Variants in ZNF391 observed in about 807,000 individuals in gnomAD.
The protein encoded by ZNF391 is zinc finger protein 391.
For missense variants in ZNF391, 375 were observed against 425.5 expected (o/e 0.88, Z 1.04); for synonymous variants, 126 against 142.1 (o/e 0.89, Z 0.80).
rs76281830 is a variant in ZNF391, at chr6:27,377,297, C to T, written n.523+2160C>T. ...CAGAGGAGACAATTAACCAGAACTC[C>T]GACCACAAGGCCAATTTGATGCAAC... On this transcript the variant is annotated intron_variant and non_coding_transcript_variant, in intron 1 of 2. Transcript: ENST00000477999. 4.1e-3 allele frequency among the ~76,000 whole-genome samples: 627 copies of T among 152,292 alleles called. 6 individuals are homozygous for T. The highest frequency in any genetic ancestry group is 0.014 in the African/African-American group (595 of 41,542).
Position 27,400,872 on chromosome 6 carries a change from A to T in ZNF391, c.502A>T (p.Asn168Tyr), listed in dbSNP as rs371544705. The T allele has an allele frequency of 6.2e-7, 1 of 1,614,118 alleles. No individual in the cohort carries two copies. Among genetic ancestry groups the T allele is most frequent in the African/African-American group, 1.3e-5 (1 of 74,948 alleles). Residue 168 changes from asparagine (N) to tyrosine (Y), a missense_variant, in exon 3 of 3, where the codon AAT (asparagine) becomes TAT (tyrosine). Coordinates refer to ENST00000244576, the MANE Select transcript of ZNF391 (RefSeq NM_001076781.3). The stretch of plus-strand genomic sequence containing the variant: ...CACTGGAGAGAAACCTTATGAATGC[A>T]ATGAATGTGGAAAAGCTTTTAGCCG... The part of the protein sequence containing the change: ...THTGEKPYEC[N>Y]ECGKAFSRST...
chr6:27,399,905 A>T (rs902118928), intron 2 of ZNF391, among the ~76,000 whole-genome samples: 1 of 152,050 alleles, frequency 6.6e-6, no homozygotes, highest in Non-Finnish European at 1.5e-5. Flanking sequence ...TCTTTTTTCT[A>T]CACTTGAGAG....
intron 1 of ZNF391, among the ~76,000 whole-genome samples, chr6:27,380,519 T>A (rs1256258203): frequency 1.4e-5 from 2 of 147,084 alleles, no homozygotes; most frequent in Non-Finnish European, 3.0e-5. Context: ...CAACAAGATT[T>A]AATGCAAACA....
At chr6:27,391,641 C>A (rs879531257) in intron 1 of ZNF391, among the ~76,000 whole-genome samples, 17 of 152,178 alleles carry the variant, frequency 1.1e-4, no homozygotes, top group Non-Finnish European at 2.2e-4. Flanking sequence ...TCCATAAGAT[C>A]CATATTCCAC....
intron 1 of ZNF391, among the ~76,000 whole-genome samples, chr6:27,394,298 T>C (rs1370051276): frequency 6.6e-6 from 1 of 152,236 alleles, no homozygotes; most frequent in African/African-American, 2.4e-5. Flanking sequence ...CCCACTGCCC[T>C]GCACCACTCC....
chr6:27,388,007 T>G (rs1450534444), upstream of ZNF391, among the ~76,000 whole-genome samples: 3 of 152,216 alleles, frequency 2.0e-5, no homozygotes, highest in African/African-American at 7.2e-5. Flanking sequence ...TTATACTTAC[T>G]TGATGTTTCT....
intron 1 of ZNF391, among the ~76,000 whole-genome samples, chr6:27,379,228 CTAAAG>C (rs1311566484): frequency 6.6e-6 from 1 of 152,074 alleles, no homozygotes; most frequent in African/African-American, 2.4e-5. Flanking sequence ...TTATTGTCAC[CTAAAG>C]TAGAGAGAAA....
chr6:27,378,369 A>G (rs1003838433), intron 1 of ZNF391, among the ~76,000 whole-genome samples: 1 of 151,780 alleles, frequency 6.6e-6, no homozygotes, highest in African/African-American at 2.4e-5. Context: ...GCGAAGGGAG[A>G]TAGGGGTGGG....
Position 27,388,858 on chromosome 6 carries a change from A to C in ZNF391, c.-405A>C, listed in dbSNP as rs752915600. ...GGTCCCGCATACCGAGCAGAGCATG[A>C]TCAGCAGCAGTCTGAGTGGAAGAGT... On this transcript the variant is annotated 5_prime_UTR_variant, in exon 1 of 3. Coordinates refer to ENST00000244576, the MANE Select transcript of ZNF391 (RefSeq NM_001076781.3). The C allele has an allele frequency of 3.3e-5, 15 of 453,214 alleles. No homozygotes were observed. The highest frequency in any genetic ancestry group is 2.3e-4 in the South Asian group (15 of 63,986). 28.1% of individuals were successfully genotyped at this position (453,214 alleles called of 1,614,324 possible).
At chr6:27,394,548 G>A (rs1211014849) in intron 1 of ZNF391, among the ~76,000 whole-genome samples, 1 of 152,256 alleles carries the variant, frequency 6.6e-6, no homozygotes, top group East Asian at 1.9e-4. Context: ...GTAAGGGGCA[G>A]AAGCCCCTTT....
intron 1 of ZNF391, among the ~76,000 whole-genome samples, chr6:27,377,625 C>T (rs1286943777): frequency 2.6e-5 from 4 of 152,214 alleles, no homozygotes; most frequent in Non-Finnish European, 5.9e-5. Flanking sequence ...CCAGACCGAA[C>T]CAATGTACTT....
upstream of ZNF391, among the ~76,000 whole-genome samples, chr6:27,385,783 T>C (rs1156784920): frequency 6.6e-6 from 1 of 152,176 alleles, no homozygotes; most frequent in African/African-American, 2.4e-5. Context: ...CAACTAGATA[T>C]AATGGCCATC....
Position 27,400,763 on chromosome 6 carries a change from T to C in ZNF391, c.393T>C (p.His131=). 6.2e-7 allele frequency: 1 copy of C among 1,614,242 alleles called. No individual in the cohort carries two copies. The highest frequency in any genetic ancestry group is 8.5e-7 in the Non-Finnish European group (1 of 1,180,044). The change falls in exon 3 of 3, where the codon CAT becomes CAC. Residue 131 remains histidine, a synonymous_variant. Coordinates refer to ENST00000244576, the MANE Select transcript of ZNF391 (RefSeq NM_001076781.3). The part of the protein sequence containing the change: ...QSDLLVHSRI[H]GGEKPFECNK... ...ACCTTCTTGTACACAGTAGAATTCA[T>C]GGTGGAGAAAAGCCTTTTGAATGCA...
At chr6:27,394,209 G>T (rs754435189) in intron 1 of ZNF391, among the ~76,000 whole-genome samples, 24 of 152,220 alleles carry the variant, frequency 1.6e-4, no homozygotes, top group Non-Finnish European at 1.9e-4. Flanking sequence ...AGGCATTTCA[G>T]AAATCTAAGA....
chr6:27,393,767 T>C (rs1761765381), intron 1 of ZNF391, among the ~76,000 whole-genome samples: 1 of 152,230 alleles, frequency 6.6e-6, no homozygotes, highest in Non-Finnish European at 1.5e-5. Flanking sequence ...AAGTCCAGGC[T>C]GACAAAGTCT....
chr6:27,395,335 C>T (rs1234584991), intron 1 of ZNF391, among the ~76,000 whole-genome samples: 1 of 151,514 alleles, frequency 6.6e-6, no homozygotes, highest in Non-Finnish European at 1.5e-5. Flanking sequence ...AGTGAGTTCT[C>T]ATGAGATCTG....
intron 1 of ZNF391, chr6:27,389,506 C>T (rs1217574174): frequency 2.3e-6 from 1 of 439,744 alleles, no homozygotes; most frequent in South Asian, 1.6e-5. Context: ...GAAATTGAGG[C>T]ACACAGAGAT....
chr6:27,391,220 T>TTTTTG (rs1761705670), intron 1 of ZNF391: 1 of 150,392 alleles, frequency 6.6e-6, no homozygotes, highest in Non-Finnish European at 1.5e-5. Context: ...TTTTTTTTTT[T>TTTTTG]TGAGACAGAG....
At chr6:27,386,732 A>G (rs1442736201), upstream of ZNF391, among the ~76,000 whole-genome samples, 1 of 152,216 alleles carries the variant, frequency 6.6e-6, no homozygotes. Context: ...TAGTATTTAC[A>G]CCATCTACAA....
Sources: allele counts gnomAD v4.1 joint callset (sites outside exome capture counted in the v4.1 genomes callset), GRCh38; gene constraint gnomAD v4.1.1; transcripts MANE v1.5; gene names NCBI Gene and HGNC (gene_info 2026-07-23, HGNC 2026-07-21).